RFTN1: variants seen among roughly 807,000 people sequenced by gnomAD.
RFTN1 encodes the protein raftlin.
A neutral mutation model predicts 46.5 loss-of-function variants in RFTN1; 26 were observed. The ratio of observed to expected loss-of-function variants is 0.56; its 90% CI spans 0.41 to 0.78. The LOEUF is 0.78. RFTN1 is among the 30% of genes least tolerant of loss of function. The probability of loss-of-function intolerance (pLI) is 0.00; values close to 1 mark genes in which losing one functional copy is unlikely to be tolerated. For synonymous variants in RFTN1, 261 were observed against 284.2 expected (o/e 0.92, Z 0.82); for missense variants, 693 against 718.7 (o/e 0.96, Z 0.41).
Position 16,351,323 on chromosome 3 carries a change from C to A in RFTN1, c.1146+6609G>T, listed in dbSNP as rs1325945642. On this transcript the variant is annotated intron_variant, in intron 7 of 9. Coordinates refer to ENST00000334133, the MANE Select transcript of RFTN1 (RefSeq NM_015150.2). This position sits in a 1 kb window ranked among gnomAD's most constrained non-coding sequence, Gnocchi z 5.4. ...TCAGGAGCCTCCATACATATGAAGC[C>A]TTCAGGGAAGCCAAGGCTGGAAGAT... Among the ~76,000 whole-genome samples, 1 of 152,160 alleles carries A rather than the reference C, an allele frequency of 6.6e-6. No individual in the cohort carries two copies. The highest frequency in any genetic ancestry group is 2.4e-5 in the African/African-American group (1 of 41,426).
In RFTN1 at chr3:16,317,999, A is replaced by T. The variant is rs2068611031; in HGVS notation, c.1333-767T>A. Among the ~76,000 whole-genome samples the T allele has an allele frequency of 6.6e-6, 1 of 152,174 alleles. No homozygotes were observed. Among genetic ancestry groups the T allele is most frequent in the Non-Finnish European group, 1.5e-5 (1 of 68,022 alleles). ...CAAGTGTTCTAAGGTAACTCCCTCTAAAAACTTCCAATCTCAGAGGCCGCT... is the reference window on the plus strand; with the variant it reads ...CAAGTGTTCTAAGGTAACTCCCTCTTAAAACTTCCAATCTCAGAGGCCGCT... On this transcript the variant is annotated intron_variant, in intron 9 of 9. Coordinates refer to ENST00000334133, the MANE Select transcript of RFTN1 (RefSeq NM_015150.2). This position sits in a 1 kb window ranked among gnomAD's most constrained non-coding sequence, Gnocchi z 4.3.
In RFTN1 at chr3:16,387,464, G is replaced by A. The variant is rs1489233345; in HGVS notation, c.442-9362C>T. On this transcript the variant is annotated intron_variant, in intron 4 of 9. Transcript: ENST00000334133. This position sits in a 1 kb window ranked among gnomAD's most constrained non-coding sequence, Gnocchi z 5.2. ...CCCTCCACTCTTTGTCCCCAGCATC[G>A]GTGTGACCCGGTTAAGGCAAAACCC... Among the ~76,000 whole-genome samples the A allele has an allele frequency of 6.6e-6, 1 of 151,842 alleles. No homozygotes were observed. The highest frequency in any genetic ancestry group is 2.1e-4 in the South Asian group (1 of 4,816).
intron 1 of RFTN1, among the ~76,000 whole-genome samples, chr3:16,503,187 C>T (rs539390129): frequency 2.1e-4 from 32 of 152,270 alleles, no homozygotes; most frequent in African/African-American, 5.5e-4. Context: ...AGCCACCCTT[C>T]GCTAAAAATA....
At chr3:16,357,304 A>T (rs978963865) in intron 7 of RFTN1, among the ~76,000 whole-genome samples, 5 of 152,120 alleles carry the variant, frequency 3.3e-5, no homozygotes, top group African/African-American at 1.2e-4. Flanking sequence ...CTTGGAAGTA[A>T]ATTAGCTCCT....
At chr3:16,397,147 G>A (rs752296899) in intron 4 of RFTN1, among the ~76,000 whole-genome samples, 13 of 151,856 alleles carry the variant, frequency 8.6e-5, no homozygotes, top group Non-Finnish European at 1.9e-4. Flanking sequence ...AGGTATATGT[G>A]TGTGTGTCTA....
At position 16,339,057 on chromosome 3, in the gene RFTN1, A is replaced by G. The variant is rs184853237; in HGVS notation, c.1147-12181T>C. ...GATTATTTCACTGTCCTAGCTAACA[A>G]CGAACAGAGCCACACAACACACCAT... On this transcript the variant is annotated intron_variant, in intron 7 of 9. Transcript: ENST00000334133. Among the ~76,000 whole-genome samples, 311 of 152,310 alleles carry G rather than the reference A, an allele frequency of 2.0e-3. 3 individuals carry two copies. The highest frequency in any genetic ancestry group is 6.8e-3 in the African/African-American group (284 of 41,566).
At chr3:16,463,037 G>T (rs1362997335) in intron 2 of RFTN1, among the ~76,000 whole-genome samples, 1 of 152,244 alleles carries the variant, frequency 6.6e-6, no homozygotes, top group Non-Finnish European at 1.5e-5. Flanking sequence ...GCCTGATCCT[G>T]TAATGGTTCT....
chr3:16,364,869 G>A (rs1034371475), intron 6 of RFTN1, among the ~76,000 whole-genome samples: 1 of 152,142 alleles, frequency 6.6e-6, no homozygotes, highest in African/African-American at 2.4e-5. Context: ...GGTTACTCTG[G>A]GGGGATAGAA....
chr3:16,490,463 C>A (rs1464784388), intron 2 of RFTN1, among the ~76,000 whole-genome samples: 1 of 152,134 alleles, frequency 6.6e-6, no homozygotes, highest in Non-Finnish European at 1.5e-5. Context: ...GGGGGAGGAT[C>A]TGGGAAGGGC....
intron 3 of RFTN1, among the ~76,000 whole-genome samples, chr3:16,415,188 T>C (rs2075050339): frequency 6.6e-6 from 1 of 151,826 alleles, no homozygotes; most frequent in South Asian, 2.1e-4. Context: ...AAGATTTTCA[T>C]ATGAACAGGT....
At position 16,442,175 on chromosome 3, in the gene RFTN1, G is replaced by A. The variant is rs2075638940; in HGVS notation, c.146-8138C>T. Among the ~76,000 whole-genome samples the A allele has an allele frequency of 3.9e-5, 6 of 152,174 alleles. No individual in the cohort carries two copies. The South Asian group carries it at 1.2e-3, about 32-fold the overall frequency. On this transcript the variant is annotated intron_variant, in intron 2 of 9. Transcript: ENST00000334133. The surrounding 1 kb of genome is among the most constrained non-coding windows in gnomAD (Gnocchi z 4.1). ...AAAACAAAACACATATCCAGGCTCAGGAGACCACACCATTAAAACACTATT... is the reference window on the plus strand; with the variant it reads ...AAAACAAAACACATATCCAGGCTCAAGAGACCACACCATTAAAACACTATT...
At position 16,356,572 on chromosome 3, in the gene RFTN1, G is replaced by A. The variant is rs1030826196; in HGVS notation, c.1146+1360C>T. The stretch of plus-strand genomic sequence containing the variant: ...CAAAGCTGAGTAATAGTGTCCCGGG[G>A]GACATCCAACTCACCCCCCACCATC... On this transcript the variant is annotated intron_variant, in intron 7 of 9. Transcript: ENST00000334133. The surrounding 1 kb of genome is among the most constrained non-coding windows in gnomAD (Gnocchi z 4.9). 4.6e-5 allele frequency among the ~76,000 whole-genome samples: 7 copies of A among 152,290 alleles called. No homozygotes were observed. The highest frequency in any genetic ancestry group is 1.7e-4 in the African/African-American group (7 of 41,562).
intron 6 of RFTN1, among the ~76,000 whole-genome samples, chr3:16,369,243 T>C (rs2073386228): frequency 6.6e-6 from 1 of 152,256 alleles, no homozygotes; most frequent in African/African-American, 2.4e-5. Flanking sequence ...ACTCTGTTAA[T>C]TCTTGAGAGA....
rs200545899 is a variant in RFTN1, at chr3:16,442,443, T to A, written c.146-8406A>T. ...TCACAAAAAAAAACTATTCTTTTTT[T>A]AAATTTTAATGGATTTTTGTTGTGT... On this transcript the variant is annotated intron_variant, in intron 2 of 9. Transcript: ENST00000334133. The surrounding 1 kb of genome is among the most constrained non-coding windows in gnomAD (Gnocchi z 4.1). Among the ~76,000 whole-genome samples, 33 of 152,232 alleles carry A rather than the reference T, an allele frequency of 2.2e-4. No individual in the cohort carries two copies. Among genetic ancestry groups the A allele is most frequent in the African/African-American group, 7.7e-4 (32 of 41,454 alleles).
intron 6 of RFTN1, among the ~76,000 whole-genome samples, chr3:16,368,727 A>G (rs1405279738): frequency 2.6e-5 from 4 of 152,130 alleles, no homozygotes; most frequent in African/African-American, 9.7e-5. Context: ...CCAAGTACAC[A>G]CTGACCAGTG....
chr3:16,350,414 A>T (rs1013473547), intron 7 of RFTN1: 1 of 152,170 alleles, frequency 6.6e-6, no homozygotes, highest in South Asian at 2.1e-4. Context: ...GGGCATTTCA[A>T]ATTGTTAACA....
intron 3 of RFTN1, among the ~76,000 whole-genome samples, chr3:16,430,029 T>C (rs2075354293): frequency 6.6e-6 from 1 of 152,262 alleles, no homozygotes. Context: ...ACTGTCTGAA[T>C]TAAAAATTAA....
At chr3:16,445,107 G>A (rs2075701928) in intron 2 of RFTN1, among the ~76,000 whole-genome samples, 1 of 152,184 alleles carries the variant, frequency 6.6e-6, no homozygotes, top group Non-Finnish European at 1.5e-5. Flanking sequence ...TATTAACAAT[G>A]TTAAGTGAGG....
chr3:16,506,622 G>T lies in RFTN1; in HGVS notation c.-9+6820C>A, dbSNP rs1397666103. Reference sequence around the variant, plus strand: ...CACCAGCACCTGCAAGGCTGGAGTGGCCATCTTCTGAGATGGGTAGAAGAA... The same window carrying T: ...CACCAGCACCTGCAAGGCTGGAGTGTCCATCTTCTGAGATGGGTAGAAGAA... On this transcript the variant is annotated intron_variant, in intron 1 of 9. Coordinates refer to ENST00000334133, the MANE Select transcript of RFTN1 (RefSeq NM_015150.2). The surrounding 1 kb of genome is among the most constrained non-coding windows in gnomAD (Gnocchi z 4.8). Among the ~76,000 whole-genome samples the T allele has an allele frequency of 2.0e-5, 3 of 152,030 alleles. No homozygotes were observed. Among genetic ancestry groups the T allele is most frequent in the Non-Finnish European group, 4.4e-5 (3 of 68,010 alleles).
Sources: gnomAD v4.1 joint callset for allele counts (sites outside exome capture counted in the v4.1 genomes callset) on GRCh38, gnomAD v4.1.1 for gene constraint, Gnocchi (gnomAD v3.1) non-coding constraint, MANE v1.5 for transcripts, NCBI Gene and HGNC (gene_info 2026-07-23, HGNC 2026-07-21) for gene names.